NIPBL: variants seen among roughly 807,000 people sequenced by gnomAD.
NIPBL encodes NIPBL cohesin loading factor, also known as nipped-B-like protein.
NIPBL carries 19 observed loss-of-function variants against 321.8 expected under a neutral mutation model. The ratio of observed to expected loss-of-function variants is 0.06; its 90% CI spans 0.04 to 0.09. The LOEUF (loss-of-function observed/expected upper bound fraction) is 0.09, where lower values mean the gene tolerates loss of function less well. Among genes scored for constraint, NIPBL ranks in the 10% least tolerant of loss-of-function variants. NIPBL has a pLI of 1.00. For synonymous variants in NIPBL, 1,106 were observed against 1,114.1 expected, an observed-to-expected ratio of 0.99 and a Z score of 0.14; for missense variants, 2,210 against 3,327.0, an observed-to-expected ratio of 0.66 and a Z score of 8.26.
intron 40 of NIPBL, among the ~76,000 whole-genome samples, chr5:37,050,442 T>C (rs1753412822): frequency 6.8e-6 from 1 of 148,128 alleles, no homozygotes; most frequent in Non-Finnish European, 1.5e-5. Flanking sequence ...ACCGTGCCAT[T>C]GCACTCCAGC....
chr5:36,918,106 A>G (rs1333707959), intron 1 of NIPBL, among the ~76,000 whole-genome samples: 1 of 152,104 alleles, frequency 6.6e-6, no homozygotes, highest in Non-Finnish European at 1.5e-5. Context: ...TCTATAAATT[A>G]CCTTGGGCAG....
chr5:36,898,832 G>C (rs889570973), intron 1 of NIPBL, among the ~76,000 whole-genome samples: 1 of 152,076 alleles, frequency 6.6e-6, no homozygotes, highest in Admixed American at 6.5e-5. Flanking sequence ...CTAAAACTTA[G>C]TTTTAAACTT....
intron 34 of NIPBL, among the ~76,000 whole-genome samples, chr5:37,041,194 C>T (rs1388680039): frequency 6.7e-6 from 1 of 148,532 alleles, no homozygotes; most frequent in Non-Finnish European, 1.5e-5. Context: ...CTTGATTTTC[C>T]AGGCCAGGAT....
rs1753678762 is a variant in NIPBL at position 37,052,573 on chromosome 5, A to G, written c.7263+7A>G. 1 of 1,610,534 alleles carries G rather than the reference A, an allele frequency of 6.2e-7. No homozygotes were observed. Among genetic ancestry groups the G allele is most frequent in the Non-Finnish European group, 8.5e-7 (1 of 1,176,940 alleles). ...CCTCTTTGATGACACAGCAGTAAGC[A>G]CAAAAACTTATTATTTTAAGAAAAT... On this transcript the variant is annotated splice_region_variant and intron_variant, in intron 42 of 46. Coordinates refer to ENST00000282516, the MANE Select transcript of NIPBL (RefSeq NM_133433.4).
rs111395580 is a variant in NIPBL, at chr5:37,020,768, G to C, written c.5226-7G>C. On this transcript the variant is annotated splice_region_variant and splice_polypyrimidine_tract_variant and intron_variant, in intron 26 of 46. Transcript: ENST00000282516. ...AAAAATAAATTTTTAATGACTTTTT[G>C]TTGCAGGATGAACTCTGATACTGTG... is the stretch of plus-strand genomic sequence containing the variant. 5 of 1,612,950 alleles carry C rather than the reference G, an allele frequency of 3.1e-6. No individual in the cohort carries two copies. Among genetic ancestry groups the C allele is most frequent in the African/African-American group, 1.3e-5 (1 of 75,026 alleles).
At chr5:36,909,825 C>G (rs1316153947) in intron 1 of NIPBL, among the ~76,000 whole-genome samples, 1 of 152,142 alleles carries the variant, frequency 6.6e-6, no homozygotes. Context: ...CACCAGTGAT[C>G]CCAGCACTTT....
At chr5:36,951,122 G>A (rs1364952343) in intron 1 of NIPBL, among the ~76,000 whole-genome samples, 2 of 152,082 alleles carry the variant, frequency 1.3e-5, no homozygotes, top group African/African-American at 4.8e-5. Context: ...TTTACTCCCA[G>A]TGTTTACTTG....
chr5:36,901,349 G>C (rs1747195531), intron 1 of NIPBL, among the ~76,000 whole-genome samples: 1 of 152,038 alleles, frequency 6.6e-6, no homozygotes, highest in Non-Finnish European at 1.5e-5. Flanking sequence ...TCCACTGTTG[G>C]TGGGCATCTA....
chr5:36,926,028 A>G (rs980876920), intron 1 of NIPBL, among the ~76,000 whole-genome samples: 6 of 152,162 alleles, frequency 3.9e-5, no homozygotes, highest in African/African-American at 1.4e-4. Context: ...CAGTCACGTC[A>G]GTAGTTTCTC....
rs1261988772 is a variant in NIPBL, at chr5:36,987,912, T to C, written c.3121+1611T>C. ...TTTTCTTTTAGGTAAAAATTTTCTT[T>C]AAAATTTTTTAGTGAAAGTTTGGGA... On this transcript the variant is annotated intron_variant, in intron 10 of 46. Coordinates refer to ENST00000282516, the MANE Select transcript of NIPBL (RefSeq NM_133433.4). 2.0e-5 allele frequency among the ~76,000 whole-genome samples: 3 copies of C among 152,182 alleles called. No homozygotes were observed. The East Asian group carries it at 5.8e-4, about 29-fold the overall frequency.
At chr5:36,887,557 T>C (rs1257228716) in intron 1 of NIPBL, among the ~76,000 whole-genome samples, 1 of 152,166 alleles carries the variant, frequency 6.6e-6, no homozygotes, top group African/African-American at 2.4e-5. Context: ...TCTGGGATAT[T>C]CTCTTGTTGT....
At chr5:36,952,823 C>T (rs1740546319) in intron 1 of NIPBL, among the ~76,000 whole-genome samples, 1 of 152,070 alleles carries the variant, frequency 6.6e-6, no homozygotes, top group African/African-American at 2.4e-5. Context: ...AGTACATGAA[C>T]ATTAAGTAAT....
At chr5:37,064,047 T>A (rs1024197620) in intron 46 of NIPBL, 69 bp downstream of exon 46, 9 of 1,573,536 alleles carry the variant, frequency 5.7e-6, no homozygotes, top group Non-Finnish European at 7.8e-6. Context: ...TGCTTATATA[T>A]GTCAGTCTAT....
chr5:37,005,429 A>G (rs1456661061), intron 16 of NIPBL, among the ~76,000 whole-genome samples: 2 of 152,080 alleles, frequency 1.3e-5, no homozygotes, highest in Admixed American at 6.5e-5. Context: ...GTCTTAAGGA[A>G]ATTACTTTCA....
At position 37,048,662 on chromosome 5, in the gene NIPBL, G is replaced by A. The variant is rs1244005941; in HGVS notation, c.6750G>A (p.Gln2250=). ...YLQEEDTRMQ[Q]ADRDWKKVAK... ...AAGAAGAAGATACACGTATGCAGCAGGCAGATAGAGACTGTAAGTGAAAAT... is the reference window on the plus strand; with the variant it reads ...AAGAAGAAGATACACGTATGCAGCAAGCAGATAGAGACTGTAAGTGAAAAT... Residue 2250 remains glutamine, a synonymous_variant, in exon 39 of 47, where the codon CAG becomes CAA. Transcript: ENST00000282516. 6.2e-7 allele frequency: 1 copy of A among 1,608,562 alleles called. No individual in the cohort carries two copies. Among genetic ancestry groups the A allele is most frequent in the African/African-American group, 1.3e-5 (1 of 74,836 alleles).
At chr5:36,912,897 A>G (rs892463424) in intron 1 of NIPBL, among the ~76,000 whole-genome samples, 1 of 152,174 alleles carries the variant, frequency 6.6e-6, no homozygotes, top group African/African-American at 2.4e-5. Context: ...TTTTTATTAT[A>G]GAAACAGTGT....
chr5:36,991,038 G>A (rs1745451619), intron 10 of NIPBL, among the ~76,000 whole-genome samples: 1 of 151,894 alleles, frequency 6.6e-6, no homozygotes, highest in South Asian at 2.1e-4. Flanking sequence ...AGGGCCTGAT[G>A]TGAAATTAAG....
chr5:37,044,511 T>C (rs1752772658), intron 35 of NIPBL, 24 bp downstream of exon 35: 1 of 1,610,754 alleles, frequency 6.2e-7, no homozygotes, highest in East Asian at 2.2e-5. Context: ...TTACCATTTC[T>C]TTATTCATTA....
At chr5:37,044,612 C>T (rs369103418) in intron 35 of NIPBL, 24 bp from the exon 36 acceptor site, 4 of 1,602,046 alleles carry the variant, frequency 2.5e-6, no homozygotes, top group Admixed American at 1.7e-5. Flanking sequence ...TAACTTTTAT[C>T]TAAACATTTT....
Sources: allele counts gnomAD v4.1 joint callset (sites outside exome capture counted in the v4.1 genomes callset), GRCh38; gene constraint gnomAD v4.1.1; transcripts MANE v1.5; gene names NCBI Gene and HGNC (gene_info 2026-07-23, HGNC 2026-07-21).